Variants in RFX1 observed in about 807,000 individuals in gnomAD.
RFX1 encodes the protein MHC class II regulatory factor RFX1.
A neutral mutation model predicts 119.6 loss-of-function variants in RFX1; 42 were observed. The ratio of observed to expected loss-of-function variants is 0.35; its 90% confidence interval spans 0.27 to 0.45. The LOEUF is 0.45. Ranked by LOEUF, RFX1 falls within the 20% of genes least tolerant of loss-of-function variation. The pLI is 1.00. For synonymous variants in RFX1, 628 were observed against 618.5 expected (o/e 1.02, Z -0.23); for missense variants, 1,118 against 1,368.1 (o/e 0.82, Z 2.88).
chr19:13,974,690 C>T (rs1409949265), intron 8 of RFX1, among the ~76,000 whole-genome samples: 1 of 152,108 alleles, frequency 6.6e-6, no homozygotes, highest in African/African-American at 2.4e-5. Flanking sequence ...CTCACCATCT[C>T]GCTAAACATC....
At chr19:13,971,747 C>T (rs1439165761) in intron 9 of RFX1, among the ~76,000 whole-genome samples, 3 of 152,078 alleles carry the variant, frequency 2.0e-5, no homozygotes, top group East Asian at 1.9e-4. Context: ...TGGTGGCTCA[C>T]GTCTGTAATC....
rs139756317 is a variant in RFX1, at chr19:13,965,729, G to C, written c.2010C>G (p.Leu670=). 4 of 1,613,842 alleles carry C rather than the reference G, an allele frequency of 2.5e-6. No homozygotes were observed. The highest frequency in any genetic ancestry group is 1.7e-6 in the Non-Finnish European group (2 of 1,180,008). The change falls in exon 15 of 21, where the codon CTC becomes CTG. Residue 670 remains leucine (L), a synonymous_variant. Coordinates refer to ENST00000254325, the MANE Select transcript of RFX1 (RefSeq NM_002918.5). The surrounding 1 kb of genome is among the most constrained non-coding windows in gnomAD (Gnocchi z 4.7). ...KRLPKAILVL[L]SKFEPVLQWT... is the part of the protein sequence containing the mutation. ...ATTGGAGCACGGGCTCGAACTTGGA[G>C]AGGAGCACCAGGATGGCTTTGGGCA...
At position 13,962,487 on chromosome 19, in the gene RFX1, C is replaced by G. The variant is rs552164577; in HGVS notation, c.*208G>C. 7.4e-6 allele frequency: 4 copies of G among 540,892 alleles called. No homozygotes were observed. The highest frequency in any genetic ancestry group is 2.0e-5 in the African/African-American group (1 of 48,788). The allele number at this position is 540,892 out of a possible 1,614,324, so 33.5% of individuals were successfully genotyped here. Reference sequence around the variant, plus strand: ...ACGCGGCGGGTTCCTTAAGGCACGTCTTTTGTGTCAGAGTTTGCAGCTGCG... The same window carrying G: ...ACGCGGCGGGTTCCTTAAGGCACGTGTTTTGTGTCAGAGTTTGCAGCTGCG... On this transcript the variant is annotated 3_prime_UTR_variant, in exon 21 of 21. Coordinates refer to ENST00000254325, the MANE Select transcript of RFX1 (RefSeq NM_002918.5).
In RFX1 at chr19:13,980,709, A is replaced by G; in HGVS notation, c.622-20T>C. ...CGACTGCTGTAAGGGAAGGAGACAC[A>G]GGAGTGCCGCTGGGGTGGGCTTGCA... On this transcript the variant is annotated intron_variant, in intron 5 of 20. Coordinates refer to ENST00000254325, the MANE Select transcript of RFX1 (RefSeq NM_002918.5). The surrounding 1 kb of genome is among the most constrained non-coding windows in gnomAD (Gnocchi z 5.1). 1.1e-6 allele frequency: 1 copy of G among 928,694 alleles called. No individual in the cohort carries two copies. 57.5% of individuals were successfully genotyped at this position (928,694 alleles called of 1,614,324 possible). A position where few individuals can be genotyped will look rare whatever the true frequency, so the allele number is the denominator to read the frequency against.
At chr19:13,970,628 A>G (rs1974047804) in intron 9 of RFX1, among the ~76,000 whole-genome samples, 1 of 138,390 alleles carries the variant, frequency 7.2e-6, no homozygotes, top group South Asian at 2.3e-4. Flanking sequence ...TCAAGCCACT[A>G]TACTCCAGCC....
chr19:14,000,929 C>T (rs1313043646), intron 1 of RFX1, among the ~76,000 whole-genome samples: 4 of 151,710 alleles, frequency 2.6e-5, no homozygotes, highest in Non-Finnish European at 4.4e-5. Flanking sequence ...GACTCCATCT[C>T]GACAAAAAAA....
At chr19:14,002,804 G>C (rs1172553413) in intron 1 of RFX1, among the ~76,000 whole-genome samples, 1 of 152,296 alleles carries the variant, frequency 6.6e-6, no homozygotes. Context: ...TCTGCGGGCG[G>C]GGCAGCCTGG....
At chr19:13,997,342 C>T (rs1975068549) in intron 1 of RFX1, among the ~76,000 whole-genome samples, 1 of 152,214 alleles carries the variant, frequency 6.6e-6, no homozygotes, top group Non-Finnish European at 1.5e-5. Context: ...ATTTGGCTAT[C>T]TCCTAACTGT....
rs1974876950 is a variant in RFX1 at position 13,993,566 on chromosome 19, G to A, written c.278C>T (p.Pro93Leu). ...GATGTACTGCTGGGGTGCAGGCGAA[G>A]GGGTGGGTGCACCGGTTGGCTGCGA... is the stretch of plus-strand genomic sequence containing the variant. ...APSQPTGAPT[P>L]SPAPQQYIVV... The change falls in exon 2 of 21, where the codon CCT becomes CTT. Residue 93 changes from proline (P) to leucine (L), a missense_variant. Physicochemically the swap from Pro to Leu is moderately conservative, Grantham distance 98. Transcript: ENST00000254325. 1.9e-6 allele frequency: 3 copies of A among 1,613,086 alleles called. No homozygotes were observed. Among genetic ancestry groups the A allele is most frequent in the Middle Eastern group, 1.7e-4 (1 of 6,026 alleles).
chr19:13,992,446 G>C (rs1044563532), intron 2 of RFX1, among the ~76,000 whole-genome samples: 4 of 152,206 alleles, frequency 2.6e-5, no homozygotes, highest in Admixed American at 2.0e-4. Context: ...GTCTGTCCAA[G>C]ATGGCCTGCT....
In RFX1 at chr19:13,966,363, C is replaced by T. The variant is rs1973895854; in HGVS notation, c.1961+58G>A. ...GCCCCAACCCTGGCCATCAAAATCA[C>T]CTGCGGGTCATGCCCTCCTCCCCCC... On this transcript the variant is annotated intron_variant, in intron 14 of 20. Transcript: ENST00000254325. The surrounding 1 kb of genome is among the most constrained non-coding windows in gnomAD (Gnocchi z 6.3). The T allele has an allele frequency of 2.6e-6, 3 of 1,134,376 alleles. No individual in the cohort carries two copies. The highest frequency in any genetic ancestry group is 4.0e-6 in the Non-Finnish European group (3 of 752,010). The allele number at this position is 1,134,376 out of a possible 1,614,324, so 70.3% of individuals were successfully genotyped here. A position where few individuals can be genotyped will look rare whatever the true frequency, so the allele number is the denominator to read the frequency against.
Position 13,983,460 on chromosome 19 carries a change from C to T in RFX1, c.429+26G>A, listed in dbSNP as rs552833089. The T allele has an allele frequency of 1.4e-4, 212 of 1,547,118 alleles. 3 individuals are homozygous for T. In the East Asian group the frequency reaches 4.8e-3, roughly 35 times the overall value. ...ACTGCCCCCCTCCCGGGCCCTCCCCCACCCCCTGGGAGGGCCACATCCTAC... is the reference window on the plus strand; with the variant it reads ...ACTGCCCCCCTCCCGGGCCCTCCCCTACCCCCTGGGAGGGCCACATCCTAC... On this transcript the variant is annotated intron_variant, in intron 3 of 20. Transcript: ENST00000254325.
In RFX1 at chr19:13,961,934, A is replaced by AAGAT. The variant is rs1488696757; in HGVS notation, c.*757_*760dup. 6.6e-6 allele frequency: 1 copy of AAGAT among 152,128 alleles called. No individual in the cohort carries two copies. The highest frequency in any genetic ancestry group is 2.4e-5 in the African/African-American group (1 of 41,324). 9.4% of individuals were successfully genotyped at this position (152,128 alleles called of 1,614,324 possible). A position where few individuals can be genotyped will look rare whatever the true frequency, so the allele number is the denominator to read the frequency against. On this transcript the variant is annotated 3_prime_UTR_variant, in exon 21 of 21. Coordinates refer to ENST00000254325, the MANE Select transcript of RFX1 (RefSeq NM_002918.5). ...ACGGAGGAGAAGCGTGGTCTCCGGG[A>AAGAT]AGATAGGGGCACAGAAAAGGTTCCA...
intron 1 of RFX1, among the ~76,000 whole-genome samples, chr19:14,004,507 C>CA (rs373244400): frequency 0.015 from 2,222 of 146,272 alleles, 62 homozygotes; most frequent in African/African-American, 0.052. Context: ...ACTCCGTCTC[C>CA]AAAAAAAAAA....
chr19:13,980,519 A>G lies in RFX1; in HGVS notation c.738+54T>C. 4.3e-6 allele frequency: 5 copies of G among 1,174,300 alleles called. No homozygotes were observed. The highest frequency in any genetic ancestry group is 6.1e-6 in the Non-Finnish European group (5 of 826,436). 72.7% of individuals were successfully genotyped at this position (1,174,300 alleles called of 1,614,324 possible). Reference sequence around the variant, plus strand: ...GAGGCACAGCCGTGGGGGGCTGCAGAGGCTGCCTGGCCGGTACCCCTGGAC... The same window carrying G: ...GAGGCACAGCCGTGGGGGGCTGCAGGGGCTGCCTGGCCGGTACCCCTGGAC... On this transcript the variant is annotated intron_variant, in intron 6 of 20. Transcript: ENST00000254325. This position sits in a 1 kb window ranked among gnomAD's most constrained non-coding sequence, Gnocchi z 5.1.
chr19:14,000,400 C>G (rs889364617), intron 1 of RFX1, among the ~76,000 whole-genome samples: 1 of 151,964 alleles, frequency 6.6e-6, no homozygotes, highest in African/African-American at 2.4e-5. Flanking sequence ...GCAGGAGGAT[C>G]GCTTGAGTCT....
Position 13,979,456 on chromosome 19 carries a change from C to G in RFX1, c.825G>C (p.Val275=), listed in dbSNP as rs1974359595. 1 of 1,591,026 alleles carries G rather than the reference C, an allele frequency of 6.3e-7. No homozygotes were observed. The highest frequency in any genetic ancestry group is 8.6e-7 in the Non-Finnish European group (1 of 1,166,844). The part of the protein sequence containing the change: ...LTVQGLQPVH[V]AQEVQQLQQV... ...AGGGGGAGACACACACCTCTTGAGC[C>G]ACGTGGACTGGCTGGAGGCCCTGCA... The change falls in exon 7 of 21, where the codon GTG becomes GTC. Residue 275 remains valine, a synonymous_variant. Transcript: ENST00000254325.
intron 1 of RFX1, among the ~76,000 whole-genome samples, chr19:13,994,719 A>ATGTGTGTGTGTGTGTG (rs35165719): frequency 3.2e-5 from 4 of 125,952 alleles, no homozygotes; most frequent in African/African-American, 9.3e-5. Context: ...CTAAATATAT[A>ATGTGTGTGTGTGTGTG]TGTGTGTGTG....
intron 1 of RFX1, among the ~76,000 whole-genome samples, chr19:14,000,483 TACAC>T (rs142722700): frequency 2.6e-5 from 4 of 151,406 alleles, no homozygotes; most frequent in Admixed American, 6.6e-5. Flanking sequence ...CACATACACA[TACAC>T]ACACACACAC....
Sources: gnomAD v4.1 joint callset for allele counts (sites outside exome capture counted in the v4.1 genomes callset) on GRCh38, gnomAD v4.1.1 for gene constraint, Gnocchi (gnomAD v3.1) non-coding constraint, MANE v1.5 for transcripts, NCBI Gene and HGNC (gene_info 2026-07-23, HGNC 2026-07-21) for gene names.